Variants in SIPA1L3 observed in about 807,000 individuals in gnomAD.
The protein encoded by SIPA1L3 is signal-induced proliferation-associated 1-like protein 3.
A neutral mutation model predicts 150.1 loss-of-function variants in SIPA1L3; 59 were observed. The ratio of observed to expected loss-of-function variants is 0.39; its 90% CI spans 0.32 to 0.49. The LOEUF (loss-of-function observed/expected upper bound fraction) is 0.49, where lower values mean the gene tolerates loss of function less well. Ranked by LOEUF, SIPA1L3 falls within the 20% of genes least tolerant of loss-of-function variation. The pLI, the probability that SIPA1L3 is intolerant of heterozygous loss-of-function variation, is 0.86. For synonymous variants in SIPA1L3, 1,070 were observed against 1,077.6 expected, an observed-to-expected ratio of 0.99 and a Z score of 0.14; for missense variants, 2,211 against 2,489.5, an observed-to-expected ratio of 0.89 and a Z score of 2.38.
rs373446692 is a variant in SIPA1L3 at position 38,071,653 on chromosome 19, C to T, written c.-310-9603C>T. 7.2e-5 allele frequency among the ~76,000 whole-genome samples: 11 copies of T among 152,136 alleles called. No individual in the cohort carries two copies. In the East Asian group the frequency reaches 7.7e-4, roughly 11 times the overall value. ...CTCACTGTGCAACCAGGCTGGAGTG[C>T]GTGGTTCAACCCTGTCTCCTTCCTT... On this transcript the variant is annotated intron_variant, in intron 2 of 21. Coordinates refer to ENST00000222345, the MANE Select transcript of SIPA1L3 (RefSeq NM_015073.3).
At chr19:38,196,732 G>A (rs73930554) in intron 18 of SIPA1L3, among the ~76,000 whole-genome samples, 1,920 of 152,086 alleles carry the variant, frequency 0.013, 34 homozygotes, top group African/African-American at 0.044. Flanking sequence ...AGAGTCAAGG[G>A]CAGAGCATGG....
At chr19:38,156,403 C>T (rs1296266026) in intron 13 of SIPA1L3, among the ~76,000 whole-genome samples, 5 of 151,448 alleles carry the variant, frequency 3.3e-5, no homozygotes, top group African/African-American at 7.3e-5. Context: ...CATTGCCCTT[C>T]CCTTCCCTCT....
At chr19:38,077,661 CTTTTTTTTTTTTTTT>C (rs58788182) in intron 2 of SIPA1L3, among the ~76,000 whole-genome samples, 2 of 64,324 alleles carry the variant, frequency 3.1e-5, no homozygotes, top group Admixed American at 2.4e-4. Context: ...TTTTCTTTTT[CTTTTTTTTTTTTTTT>C]TTTTTTTTTT....
chr19:37,989,233 T>G (rs1343998868), intron 1 of SIPA1L3, among the ~76,000 whole-genome samples: 1 of 152,178 alleles, frequency 6.6e-6, no homozygotes, highest in Non-Finnish European at 1.5e-5. Context: ...GTTTGTTTGC[T>G]TTTAAAGACA....
At chr19:38,165,934 T>C (rs1233699309) in intron 15 of SIPA1L3, among the ~76,000 whole-genome samples, 1 of 152,168 alleles carries the variant, frequency 6.6e-6, no homozygotes, top group African/African-American at 2.4e-5. Context: ...AACTAATTTT[T>C]GTATTTTTAG....
At chr19:37,972,310 G>A (rs931888939) in intron 1 of SIPA1L3, among the ~76,000 whole-genome samples, 4 of 152,092 alleles carry the variant, frequency 2.6e-5, no homozygotes, top group East Asian at 1.9e-4. Context: ...TTTGAAATAC[G>A]AAGATAAATT....
intron 1 of SIPA1L3, among the ~76,000 whole-genome samples, chr19:37,982,875 C>T (rs1967237001): frequency 6.6e-6 from 1 of 152,164 alleles, no homozygotes; most frequent in Admixed American, 6.6e-5. Context: ...CATCTTTGTC[C>T]ACCCTTAGCT....
At chr19:37,919,253 T>C (rs954212856) in intron 1 of SIPA1L3, among the ~76,000 whole-genome samples, 4 of 152,272 alleles carry the variant, frequency 2.6e-5, no homozygotes, top group Non-Finnish European at 2.9e-5. Flanking sequence ...ACCACACTTA[T>C]CTCCAACTGC....
At chr19:38,199,255 G>C (rs1973033520) in intron 19 of SIPA1L3, among the ~76,000 whole-genome samples, 1 of 152,236 alleles carries the variant, frequency 6.6e-6, no homozygotes, top group Admixed American at 6.5e-5. Context: ...GCATCCTGGG[G>C]CCAGGACAGC....
chr19:38,136,677 C>A (rs1474379017), intron 10 of SIPA1L3, among the ~76,000 whole-genome samples: 2 of 152,228 alleles, frequency 1.3e-5, no homozygotes, highest in African/African-American at 4.8e-5. Flanking sequence ...TCATCACAGG[C>A]AGCTCAGTCA....
intron 20 of SIPA1L3, 58 bp from the exon 21 acceptor site, chr19:38,204,069 A>G: frequency 7.0e-7 from 1 of 1,423,558 alleles, no homozygotes; most frequent in South Asian, 1.2e-5. Context: ...GATGTGGGCC[A>G]GAAGCCTTCC....
intron 7 of SIPA1L3, chr19:38,109,859 T>C (rs1970700103): frequency 5.1e-6 from 1 of 197,392 alleles, no homozygotes; most frequent in African/African-American, 2.3e-5. Context: ...GATCAGGGAG[T>C]GTTGTGGTGG....
At position 38,074,887 on chromosome 19, in the gene SIPA1L3, C is replaced by T. The variant is rs140626479; in HGVS notation, c.-310-6369C>T. On this transcript the variant is annotated intron_variant, in intron 2 of 21. Transcript: ENST00000222345. The stretch of plus-strand genomic sequence containing the variant: ...AGCTGGAACTACAGGCATACGCCAC[C>T]ACGCCTGGCTAAGTTTTAAAATTTT... Among the ~76,000 whole-genome samples the T allele has an allele frequency of 8.5e-5, 13 of 152,282 alleles. No individual in the cohort carries two copies. The East Asian group carries it at 2.5e-3, about 30-fold the overall frequency.
At chr19:38,182,770 C>T (rs773579849) in intron 16 of SIPA1L3, 30 bp downstream of exon 16, 27 of 1,540,374 alleles carry the variant, frequency 1.8e-5, no homozygotes, top group Admixed American at 1.4e-4. Flanking sequence ...GCGAGGCGCC[C>T]GCCAGATCCA....
At chr19:38,020,137 T>C (rs2145699281) in intron 1 of SIPA1L3, among the ~76,000 whole-genome samples, 1 of 152,270 alleles carries the variant, frequency 6.6e-6, no homozygotes, top group South Asian at 2.1e-4. Flanking sequence ...AGCTCACACT[T>C]AATGCATACT....
intron 1 of SIPA1L3, among the ~76,000 whole-genome samples, chr19:37,989,665 CTTT>C (rs74174502): frequency 4.7e-5 from 6 of 127,572 alleles, no homozygotes; most frequent in Admixed American, 8.2e-5. Flanking sequence ...AGGATGAATT[CTTT>C]TTTTTTTTTT....
intron 2 of SIPA1L3, among the ~76,000 whole-genome samples, chr19:38,061,541 G>T (rs1969445883): frequency 6.6e-6 from 1 of 152,078 alleles, no homozygotes; most frequent in South Asian, 2.1e-4. Flanking sequence ...TCAGAAGCCA[G>T]AAATGTGCAG....
At chr19:38,170,366 C>G (rs955334608) in intron 15 of SIPA1L3, among the ~76,000 whole-genome samples, 1 of 152,214 alleles carries the variant, frequency 6.6e-6, no homozygotes, top group Non-Finnish European at 1.5e-5. Flanking sequence ...CCCATGGCGG[C>G]CACACTGCAC....
chr19:37,937,696 C>T (rs890211445), intron 1 of SIPA1L3, among the ~76,000 whole-genome samples: 4 of 135,352 alleles, frequency 3.0e-5, no homozygotes, highest in Non-Finnish European at 6.1e-5. Flanking sequence ...GAGCCTGGTT[C>T]GTGCCACTGC....
Sources: gnomAD v4.1 joint callset for allele counts (sites outside exome capture counted in the v4.1 genomes callset) on GRCh38, gnomAD v4.1.1 for gene constraint, MANE v1.5 for transcripts, NCBI Gene and HGNC (gene_info 2026-07-23, HGNC 2026-07-21) for gene names.